SLAIN1: variants seen among roughly 807,000 people sequenced by gnomAD.
SLAIN1 encodes SLAIN motif-containing protein 1.
Under a neutral mutation model 55.4 loss-of-function variants are expected in SLAIN1, and 17 were observed. The ratio of observed to expected loss-of-function variants is 0.31; its 90% CI spans 0.21 to 0.46. The LOEUF (loss-of-function observed/expected upper bound fraction) is 0.46, where lower values mean the gene tolerates loss of function less well. Ranked by LOEUF, SLAIN1 falls within the 20% of genes least tolerant of loss-of-function variation. SLAIN1 has a pLI of 1.00. For synonymous variants in SLAIN1, 348 were observed against 337.4 expected (o/e 1.03, Z -0.35); for missense variants, 682 against 785.1 (o/e 0.87, Z 1.57).
intron 2 of SLAIN1, among the ~76,000 whole-genome samples, chr13:77,729,703 A>G (rs947286031): frequency 1.3e-5 from 2 of 152,176 alleles, no homozygotes; most frequent in African/African-American, 2.4e-5. Context: ...AGATGAGCTC[A>G]GTGCCTGGCC....
intron 2 of SLAIN1, chr13:77,741,333 C>T: frequency 4.1e-6 from 4 of 987,192 alleles, no homozygotes; most frequent in East Asian, 1.1e-4. Flanking sequence ...CATTATTAAC[C>T]CCTAGTTTGT....
Position 77,763,361 on chromosome 13 carries a change from C to T in SLAIN1, c.*141C>T. ...ATTTACTGCATTGTTTCTCAATGGA[C>T]CAGTCACCAGAGACTAATTATTGCA... On this transcript the variant is annotated 3_prime_UTR_variant, in exon 7 of 7. Transcript: ENST00000418532. 1.6e-6 allele frequency: 1 copy of T among 636,930 alleles called. No homozygotes were observed. Among genetic ancestry groups the T allele is most frequent in the Non-Finnish European group, 2.7e-6 (1 of 365,350 alleles). The allele number at this position is 636,930 out of a possible 1,614,324, so 39.5% of individuals were successfully genotyped here.
chr13:77,709,557 C>G (rs1197251003), intron 1 of SLAIN1, among the ~76,000 whole-genome samples: 2 of 152,204 alleles, frequency 1.3e-5, no homozygotes, highest in African/African-American at 4.8e-5. Flanking sequence ...GCGGATCTCT[C>G]TGTAGAAACC....
chr13:77,730,439 T>C (rs1325107062), intron 2 of SLAIN1, among the ~76,000 whole-genome samples: 1 of 152,170 alleles, frequency 6.6e-6, no homozygotes, highest in African/African-American at 2.4e-5. Flanking sequence ...GGGAATGTTT[T>C]CTTCTTTTTC....
At chr13:77,741,456 G>C in intron 2 of SLAIN1, 1 of 987,242 alleles carries the variant, frequency 1.0e-6, no homozygotes, top group African/African-American at 1.7e-5. Context: ...TTACGGGTTG[G>C]ATAAGTGACA....
chr13:77,734,226 G>A (rs762520726), intron 2 of SLAIN1, among the ~76,000 whole-genome samples: 1 of 151,842 alleles, frequency 6.6e-6, no homozygotes, highest in Non-Finnish European at 1.5e-5. Context: ...CTGTGTTCTC[G>A]GTAAAACTCC....
chr13:77,712,870 C>T (rs1250239245), intron 1 of SLAIN1, among the ~76,000 whole-genome samples: 7 of 152,028 alleles, frequency 4.6e-5, no homozygotes, highest in African/African-American at 1.7e-4. Context: ...ATATATAGAC[C>T]AATGGAACAG....
chr13:77,740,767 T>C (rs773238346), intron 2 of SLAIN1, among the ~76,000 whole-genome samples: 7 of 151,656 alleles, frequency 4.6e-5, no homozygotes, highest in Non-Finnish European at 7.4e-5. Flanking sequence ...CAAGTTCTTT[T>C]TGTTTGTTTT....
intron 1 of SLAIN1, among the ~76,000 whole-genome samples, chr13:77,707,274 A>G (rs1227725737): frequency 6.6e-6 from 1 of 151,866 alleles, no homozygotes; most frequent in Admixed American, 6.6e-5. Context: ...AAACTCATTT[A>G]CTGACTCTTT....
Position 77,746,562 on chromosome 13 carries a change from G to T in SLAIN1, c.965G>T (p.Ser322Ile). 6.2e-7 allele frequency: 1 copy of T among 1,613,246 alleles called. No individual in the cohort carries two copies. Among genetic ancestry groups the T allele is most frequent in the South Asian group, 1.1e-5 (1 of 91,024 alleles). Residue 322 changes from serine to isoleucine, a missense_variant, in exon 4 of 7, where the codon AGT becomes ATT. Transcript: ENST00000418532. ...ASTSASVSRHSSSVSLSSGKK... is the reference protein window; with the variant it reads ...ASTSASVSRHISSVSLSSGKK... ...ACTTCAGCATCTGTATCAAGACATA[G>T]TTCCAGTGTGTCATTGAGTTCAGGA... is the stretch of plus-strand genomic sequence containing the variant.
At chr13:77,756,742 TG>T (rs1284401114) in intron 5 of SLAIN1, among the ~76,000 whole-genome samples, 3 of 152,056 alleles carry the variant, frequency 2.0e-5, no homozygotes, top group African/African-American at 7.2e-5. Context: ...GCAACACAGG[TG>T]AATCTCACAG....
chr13:77,757,171 A>C (rs1487393499), intron 5 of SLAIN1, among the ~76,000 whole-genome samples: 1 of 152,128 alleles, frequency 6.6e-6, no homozygotes, highest in African/African-American at 2.4e-5. Flanking sequence ...GTATCTTCCT[A>C]GTTTCCCCTA....
chr13:77,759,619 A>G (rs1217946287), intron 5 of SLAIN1, among the ~76,000 whole-genome samples: 2 of 152,122 alleles, frequency 1.3e-5, no homozygotes, highest in Non-Finnish European at 2.9e-5. Flanking sequence ...AGTCCCTTGT[A>G]TGCCTGTTTT....
rs570491991 is a variant in SLAIN1, at chr13:77,702,441, A to G, written c.626+3902A>G. Among the ~76,000 whole-genome samples, 8 of 152,192 alleles carry G rather than the reference A, an allele frequency of 5.3e-5. No individual in the cohort carries two copies. In the East Asian group the frequency reaches 1.5e-3, roughly 29 times the overall value. ...GATGCTTTTTCTATCTTTATGGAAG[A>G]AATGTTTTTAAGATTTATATTTGTC... On this transcript the variant is annotated intron_variant, in intron 1 of 6. Coordinates refer to ENST00000418532, the MANE Select transcript of SLAIN1 (RefSeq NM_001242868.2).
chr13:77,760,040 A>C (rs1364977282), intron 5 of SLAIN1, among the ~76,000 whole-genome samples: 2 of 152,184 alleles, frequency 1.3e-5, no homozygotes, highest in Non-Finnish European at 2.9e-5. Flanking sequence ...GTTTTAGAAA[A>C]CAGGGTATGT....
intron 2 of SLAIN1, chr13:77,742,628 T>C (rs2154410355): frequency 6.6e-6 from 1 of 152,312 alleles, no homozygotes; most frequent in Non-Finnish European, 1.5e-5. Context: ...TTCCTAAAGA[T>C]TAGGAAGATT....
chr13:77,710,942 G>A (rs931202481), intron 1 of SLAIN1, among the ~76,000 whole-genome samples: 6 of 152,244 alleles, frequency 3.9e-5, no homozygotes, highest in Non-Finnish European at 8.8e-5. Context: ...ACTGAAAACC[G>A]CACAATTACA....
At chr13:77,727,171 T>C (rs981961883) in intron 2 of SLAIN1, among the ~76,000 whole-genome samples, 1 of 152,190 alleles carries the variant, frequency 6.6e-6, no homozygotes, top group Non-Finnish European at 1.5e-5. Context: ...CAAAGCTCAG[T>C]ATCTTGGTTG....
At chr13:77,742,636 A>T (rs1873522738) in intron 2 of SLAIN1, 1 of 152,264 alleles carries the variant, frequency 6.6e-6, no homozygotes, top group Admixed American at 6.6e-5. Flanking sequence ...GATTAGGAAG[A>T]TTATAAACTT....
Sources: allele counts gnomAD v4.1 joint callset (sites outside exome capture counted in the v4.1 genomes callset), GRCh38; gene constraint gnomAD v4.1.1; transcripts MANE v1.5; gene names NCBI Gene and HGNC (gene_info 2026-07-23, HGNC 2026-07-21).